The following ITGA5 variants were observed in gnomAD, a reference collection of about 807,000 sequenced individuals.
The protein encoded by ITGA5 is integrin alpha-5.
Under a neutral mutation model 146.3 loss-of-function variants are expected in ITGA5, and 55 were observed. The observed-to-expected ratio is 0.38, with a 90% CI of 0.30 to 0.47. The LOEUF (loss-of-function observed/expected upper bound fraction) is 0.47. Ranked by LOEUF, ITGA5 falls within the 20% of genes least tolerant of loss-of-function variation. The probability of loss-of-function intolerance (pLI) is 0.99; values close to 1 mark genes in which losing one functional copy is unlikely to be tolerated. For missense variants in ITGA5, 1,131 were observed against 1,329.0 expected, an observed-to-expected ratio of 0.85 and a Z score of 2.32; for synonymous variants, 500 against 531.8, an observed-to-expected ratio of 0.94 and a Z score of 0.82.
chr12:54,404,279 AG>A (rs1481643884), intron 14 of ITGA5, 33 bp from the exon 15 acceptor site: 1 of 1,588,134 alleles, frequency 6.3e-7, no homozygotes, highest in African/African-American at 1.3e-5. Flanking sequence ...CAATAGAATT[AG>A]GACTCCTCTG....
At position 54,411,929 on chromosome 12, in the gene ITGA5, G is replaced by A; in HGVS notation, c.254C>T (p.Thr85Ile). The change falls in exon 2 of 30, where the codon ACC becomes ATC. Residue 85 changes from threonine (T) to isoleucine (I), a missense_variant. Physicochemically the swap from Thr to Ile is moderately conservative, Grantham distance 89. Transcript: ENST00000293379. The stretch of plus-strand genomic sequence containing the variant: ...ACCCTGCAGCACTCCTGGCTGGCTG[G>A]TATTAGCCTTGGGTGCTCCCACCAG... ...SVLVGAPKAN[T>I]SQPGVLQGGA... 6.2e-7 allele frequency: 1 copy of A among 1,604,564 alleles called. No homozygotes were observed. The highest frequency in any genetic ancestry group is 8.5e-7 in the Non-Finnish European group (1 of 1,175,172).
intron 27 of ITGA5, among the ~76,000 whole-genome samples, 191 bp downstream of exon 27, chr12:54,399,454 T>G (rs765738961): frequency 4.6e-5 from 7 of 152,148 alleles, no homozygotes; most frequent in Non-Finnish European, 5.9e-5. Context: ...AAAGGGAAGC[T>G]GCTGCTCCCA....
At position 54,409,681 on chromosome 12, in the gene ITGA5, C is replaced by A; in HGVS notation, c.350-84G>T. 1.2e-6 allele frequency: 1 copy of A among 806,532 alleles called. No homozygotes were observed. Among genetic ancestry groups the A allele is most frequent in the Non-Finnish European group, 2.0e-6 (1 of 503,516 alleles). The allele number at this position is 806,532 out of a possible 1,614,324, so 50.0% of individuals were successfully genotyped here. A position where few individuals can be genotyped will look rare whatever the true frequency, so the allele number is the denominator to read the frequency against. On this transcript the variant is annotated intron_variant, in intron 2 of 29. Transcript: ENST00000293379. The surrounding 1 kb of genome is among the most constrained non-coding windows in gnomAD (Gnocchi z 4.7). The stretch of plus-strand genomic sequence containing the variant: ...GCCCCTACCCTCAGCCTGGGGATAC[C>A]CAACAAACGCTTCCAAGCCCTGAGA...
intron 11 of ITGA5, 126 bp from the exon 12 acceptor site, chr12:54,405,500 A>G: frequency 1.0e-6 from 1 of 990,490 alleles, no homozygotes; most frequent in Non-Finnish European, 1.5e-6. Flanking sequence ...TCTGATCATC[A>G]GCTCTCAGCT....
At position 54,409,042 on chromosome 12, in the gene ITGA5, G is replaced by C. The variant is rs551773732; in HGVS notation, c.584-88C>G. The C allele has an allele frequency of 8.5e-5, 123 of 1,452,568 alleles. 1 individual carries two copies. The East Asian group carries it at 2.4e-3, about 28-fold the overall frequency. The allele number at this position is 1,452,568 out of a possible 1,614,324, so 90.0% of individuals were successfully genotyped here. ...AGGGCATAGGGAAGGAGGTGGGAGA[G>C]AGAACCAGAGAAAGGGCCTTCCTGG... On this transcript the variant is annotated intron_variant, in intron 4 of 29. Transcript: ENST00000293379. The surrounding 1 kb of genome is among the most constrained non-coding windows in gnomAD (Gnocchi z 4.7).
intron 6 of ITGA5, 148 bp from the exon 7 acceptor site, chr12:54,408,383 AGAG>A (rs1955895123): frequency 1.3e-5 from 12 of 893,008 alleles, no homozygotes; most frequent in Admixed American, 2.5e-5. Context: ...CAGGAAAGGA[AGAG>A]GAGAATTGGG....
Position 54,416,071 on chromosome 12 carries a change from G to C in ITGA5, c.218+2910C>G, listed in dbSNP as rs1956004329. ...TGTTTTTATTTTTTGTTTGTTTGTT[G>C]TTGTTTTTTTGAGATGGAGTCTCAC... On this transcript the variant is annotated intron_variant, in intron 1 of 29. Coordinates refer to ENST00000293379, the MANE Select transcript of ITGA5 (RefSeq NM_002205.5). This position sits in a 1 kb window ranked among gnomAD's most constrained non-coding sequence, Gnocchi z 4.1. Among the ~76,000 whole-genome samples, 2 of 152,080 alleles carry C rather than the reference G, an allele frequency of 1.3e-5. No individual in the cohort carries two copies. Among genetic ancestry groups the C allele is most frequent in the Admixed American group, 6.6e-5 (1 of 15,262 alleles).
intron 19 of ITGA5, 23 bp downstream of exon 19, chr12:54,402,960 A>C: frequency 6.2e-7 from 1 of 1,609,386 alleles, no homozygotes; most frequent in Non-Finnish European, 8.5e-7. Flanking sequence ...GGAGCTCCCT[A>C]GCTTACCGTC....
rs144716457 is a variant in ITGA5 at position 54,397,601 on chromosome 12, G to C, written c.2944-114C>G. ...CCCAGTGGGCTCCCCTTTCTCTGGG[G>C]AACAGGGAGGGCCTGTGTCTGGCCA... On this transcript the variant is annotated intron_variant, in intron 28 of 29. Coordinates refer to ENST00000293379, the MANE Select transcript of ITGA5 (RefSeq NM_002205.5). 9 of 1,248,970 alleles carry C rather than the reference G, an allele frequency of 7.2e-6. No homozygotes were observed. The Middle Eastern group carries it at 1.7e-3, about 235-fold the overall frequency. 77.4% of individuals were successfully genotyped at this position (1,248,970 alleles called of 1,614,324 possible). A position where few individuals can be genotyped will look rare whatever the true frequency, so the allele number is the denominator to read the frequency against.
chr12:54,399,544 CATTCACCAAAGG>C, intron 27 of ITGA5, 89 bp downstream of exon 27: 1 of 826,400 alleles, frequency 1.2e-6, no homozygotes, highest in Non-Finnish European at 2.1e-6. Context: ...TGCTGGGTCC[CATTCACCAAAGG>C]AGAGGTGGCT....
rs571620637 is a variant in ITGA5 at position 54,404,844 on chromosome 12, A to C, written c.1276T>G (p.Phe426Val). Residue 426 changes from phenylalanine (F) to valine (V), a missense_variant, in exon 13 of 30, where the codon TTT becomes GTT. By Grantham distance (50) the Phe-to-Val change is conservative. Coordinates refer to ENST00000293379, the MANE Select transcript of ITGA5 (RefSeq NM_002205.5). ...FGGETQQGVV[F>V]VFPGGPGGLG... ...CCTCCTGGGCCCCCAGGAAATACAA[A>C]CACTACTCCCTGCTGGGTCTCCCCA... 5 of 1,610,172 alleles carry C rather than the reference A, an allele frequency of 3.1e-6. No individual in the cohort carries two copies. In the African/African-American group the frequency reaches 6.7e-5, roughly 22 times the overall value.
intron 1 of ITGA5, among the ~76,000 whole-genome samples, chr12:54,415,102 T>C (rs1296351152): frequency 6.6e-6 from 1 of 152,000 alleles, no homozygotes; most frequent in Non-Finnish European, 1.5e-5. Context: ...GAGCCGAGAT[T>C]GCGCCATTGC....
rs1459730802 is a variant in ITGA5 at position 54,403,985 on chromosome 12, G to A, written c.1566-19C>T. 1 of 1,613,700 alleles carries A rather than the reference G, an allele frequency of 6.2e-7. No homozygotes were observed. The highest frequency in any genetic ancestry group is 1.7e-5 in the Admixed American group (1 of 60,028). ...GTTGATGCTGGAGAGAGACCAAGAA[G>A]AAAGCTGGTGAATCCAACTGGAACA... On this transcript the variant is annotated intron_variant, in intron 15 of 29. Transcript: ENST00000293379. The surrounding 1 kb of genome is among the most constrained non-coding windows in gnomAD (Gnocchi z 4.9).
chr12:54,399,551 C>G, intron 27 of ITGA5, 94 bp downstream of exon 27: 1 of 879,990 alleles, frequency 1.1e-6, no homozygotes, highest in South Asian at 1.4e-5. Context: ...TCCCATTCAC[C>G]AAAGGAGAGG....
Position 54,404,719 on chromosome 12 carries a change from A to T in ITGA5, c.1401T>A (p.Asp467Glu). Residue 467 changes from aspartate to glutamate, a missense_variant, in exon 13 of 30, where the codon GAT becomes GAA. Coordinates refer to ENST00000293379, the MANE Select transcript of ITGA5 (RefSeq NM_002205.5). ...GSALRGGRDL[D>E]GNGYPDLIVG... is the part of the protein sequence containing the mutation. The stretch of plus-strand genomic sequence containing the variant: ...ACAACTCACCAGGATATCCATTGCC[A>T]TCCAGGTCTCGGCCTCCTCGAAGGG... 6.2e-7 allele frequency: 1 copy of T among 1,613,998 alleles called. No homozygotes were observed. The highest frequency in any genetic ancestry group is 8.5e-7 in the Non-Finnish European group (1 of 1,179,992).
At chr12:54,404,402 T>C in intron 14 of ITGA5, 28 bp downstream of exon 14, 1 of 1,611,498 alleles carries the variant, frequency 6.2e-7, no homozygotes. Flanking sequence ...ACCCAGGTTG[T>C]CCCCTCATCT....
At position 54,402,958 on chromosome 12, in the gene ITGA5, C is replaced by T. The variant is rs368596374; in HGVS notation, c.1982+25G>A. ...AGGTGCCAGGTGCACCTGGAGCTCC[C>T]TAGCTTACCGTCAGCCCTACTTACC... is the stretch of plus-strand genomic sequence containing the variant. On this transcript the variant is annotated intron_variant, in intron 19 of 29. Coordinates refer to ENST00000293379, the MANE Select transcript of ITGA5 (RefSeq NM_002205.5). The T allele has an allele frequency of 2.6e-4, 415 of 1,609,956 alleles. 1 individual carries two copies. The highest frequency in any genetic ancestry group is 2.9e-4 in the Non-Finnish European group (339 of 1,176,352).
In ITGA5 at chr12:54,419,026, G is replaced by C; in HGVS notation, c.173C>G (p.Ser58Cys). ...AAACTCCACTGAGAATCCGAAGAAGGAGCCCGGGGGCCCCGAGAGTACTGC... is the reference window on the plus strand; with the variant it reads ...AAACTCCACTGAGAATCCGAAGAAGCAGCCCGGGGGCCCCGAGAGTACTGC... ...APAVLSGPPGSFFGFSVEFYR... is the reference protein window; with the variant it reads ...APAVLSGPPGCFFGFSVEFYR... Residue 58 changes from serine to cysteine, a missense_variant, in exon 1 of 30, where the codon TCC (serine) becomes TGC (cysteine). Physicochemically the swap from Ser to Cys is moderately radical, Grantham distance 112. Transcript: ENST00000293379. 6.2e-7 allele frequency: 1 copy of C among 1,602,434 alleles called. No homozygotes were observed. The highest frequency in any genetic ancestry group is 8.5e-7 in the Non-Finnish European group (1 of 1,175,686).
rs1955909964 is a variant in ITGA5 at position 54,409,292 on chromosome 12, T to C, written c.523A>G (p.Thr175Ala). Residue 175 changes from threonine to alanine, a missense_variant, in exon 4 of 30, where the codon ACC (threonine) becomes GCC (alanine). Around this residue, in one of 3 missense-constraint regions of ITGA5, gnomAD observed 67 missense variants for 128.2 expected, o/e 0.52. Transcript: ENST00000293379. This position sits in a 1 kb window ranked among gnomAD's most constrained non-coding sequence, Gnocchi z 4.7. ...EKEPLSDPVG[T>A]CYLSTDNFTR... ...AAGTTATCTGTGGAGAGGTAGCAGG[T>C]GCCCACGGGGTCGCTCAGTGGCTCC... 6.2e-7 allele frequency: 1 copy of C among 1,613,952 alleles called. No individual in the cohort carries two copies. Among genetic ancestry groups the C allele is most frequent in the Non-Finnish European group, 8.5e-7 (1 of 1,180,016 alleles).
Sources: gnomAD v4.1 joint callset for allele counts (sites outside exome capture counted in the v4.1 genomes callset) on GRCh38, gnomAD v4.1.1 for gene constraint, gnomAD v4.1.1 regional missense constraint, Gnocchi (gnomAD v3.1) non-coding constraint, MANE v1.5 for transcripts, NCBI Gene and HGNC (gene_info 2026-07-23, HGNC 2026-07-21) for gene names.